Variants in UVRAG observed in about 807,000 individuals in gnomAD.
UVRAG encodes the protein UV radiation resistance-associated gene protein.
In UVRAG, 19 loss-of-function variants were observed where a neutral mutation model predicts 78.0. The observed-to-expected ratio is 0.24, with a 90% confidence interval of 0.17 to 0.36. The LOEUF (loss-of-function observed/expected upper bound fraction) is 0.36, where lower values mean the gene tolerates loss of function less well. Ranked by LOEUF, UVRAG falls within the 10% of genes least tolerant of loss-of-function variation. The probability of loss-of-function intolerance (pLI) is 1.00; values close to 1 mark genes in which losing one functional copy is unlikely to be tolerated. For missense variants in UVRAG, 740 were observed against 853.8 expected, an observed-to-expected ratio of 0.87 and a Z score of 1.66; for synonymous variants, 323 against 324.6, an observed-to-expected ratio of 1.00 and a Z score of 0.05.
intron 14 of UVRAG, among the ~76,000 whole-genome samples, chr11:76,138,307 C>T (rs1271430140): frequency 6.6e-6 from 1 of 152,200 alleles, no homozygotes; most frequent in African/African-American, 2.4e-5. Context: ...GAACAAACCA[C>T]ATGACCCACC....
intron 12 of UVRAG, among the ~76,000 whole-genome samples, chr11:76,026,708 G>A (rs1950332670): frequency 6.6e-6 from 1 of 152,056 alleles, no homozygotes; most frequent in African/African-American, 2.4e-5. Flanking sequence ...ATTGACTTGA[G>A]GCAGTGGAAA....
intron 14 of UVRAG, among the ~76,000 whole-genome samples, chr11:76,130,948 A>G (rs1376349937): frequency 2.2e-5 from 3 of 139,496 alleles, no homozygotes; most frequent in African/African-American, 8.2e-5. Context: ...TTTTTTTTTC[A>G]TTTTTTCCCT....
intron 11 of UVRAG, among the ~76,000 whole-genome samples, chr11:76,011,554 G>A (rs1192950381): frequency 6.6e-6 from 1 of 152,232 alleles, no homozygotes; most frequent in African/African-American, 2.4e-5. Flanking sequence ...GAACCCAGAG[G>A]CAAAGGTTGC....
At position 75,851,995 on chromosome 11, in the gene UVRAG, A is replaced by G. The variant is rs775984764; in HGVS notation, c.230A>G (p.Tyr77Cys). Residue 77 changes from tyrosine (Y) to cysteine (C), a missense_variant, in exon 2 of 15, where the codon TAT becomes TGT. Tyr to Cys is a radical substitution (Grantham distance 194). Coordinates refer to ENST00000356136, the MANE Select transcript of UVRAG (RefSeq NM_003369.4). Reference protein sequence around the residue: ...TLHLCSTEKIYKEFYRSEVIK... With the variant: ...TLHLCSTEKICKEFYRSEVIK... Reference sequence around the variant, plus strand: ...CACTTGTGTAGTACTGAAAAGATATATAAAGGTAAGGGGATCTGTGGCCTT... The same window carrying G: ...CACTTGTGTAGTACTGAAAAGATATGTAAAGGTAAGGGGATCTGTGGCCTT... 3 of 1,596,926 alleles carry G rather than the reference A, an allele frequency of 1.9e-6. No individual in the cohort carries two copies. Among genetic ancestry groups the G allele is most frequent in the South Asian group, 1.1e-5 (1 of 88,128 alleles).
intron 1 of UVRAG, among the ~76,000 whole-genome samples, chr11:75,830,602 G>T (rs1383754731): frequency 6.6e-6 from 1 of 152,130 alleles, no homozygotes; most frequent in East Asian, 1.9e-4. Context: ...GTCATAAGAA[G>T]ACTTGTTATA....
At chr11:75,996,667 G>T (rs1949713343) in intron 8 of UVRAG, among the ~76,000 whole-genome samples, 1 of 152,132 alleles carries the variant, frequency 6.6e-6, no homozygotes, top group Non-Finnish European at 1.5e-5. Context: ...CTTACTGGGG[G>T]CAGGCACAAT....
chr11:75,825,828 T>A (rs993031619), intron 1 of UVRAG, among the ~76,000 whole-genome samples: 1 of 152,050 alleles, frequency 6.6e-6, no homozygotes, highest in Non-Finnish European at 1.5e-5. Flanking sequence ...CTGGGTGTGT[T>A]GAGAAGTTGT....
At chr11:76,137,358 G>T (rs1163682614) in intron 14 of UVRAG, 1 of 456,078 alleles carries the variant, frequency 2.2e-6, no homozygotes, top group African/African-American at 2.0e-5. Flanking sequence ...TGAACATCCT[G>T]TAGTCCCCTT....
chr11:76,112,232 G>A (rs1170317111), intron 13 of UVRAG, among the ~76,000 whole-genome samples: 1 of 152,176 alleles, frequency 6.6e-6, no homozygotes, highest in East Asian at 1.9e-4. Context: ...TCAGGAACCA[G>A]CATGTTAACG....
intron 13 of UVRAG, among the ~76,000 whole-genome samples, chr11:76,095,506 A>G (rs1951772032): frequency 6.6e-6 from 1 of 150,894 alleles, no homozygotes; most frequent in Admixed American, 6.6e-5. Context: ...TATATGTCTC[A>G]TATATCATAT....
chr11:75,880,613 CG>C (rs1200693533), intron 4 of UVRAG, among the ~76,000 whole-genome samples: 5 of 151,984 alleles, frequency 3.3e-5, no homozygotes, highest in Admixed American at 3.3e-4. Context: ...AGTGCAATGG[CG>C]CGCAATCTCG....
At chr11:76,126,363 A>G (rs936866507) in intron 14 of UVRAG, among the ~76,000 whole-genome samples, 8 of 152,334 alleles carry the variant, frequency 5.3e-5, no homozygotes, top group East Asian at 3.9e-4. Flanking sequence ...TGTAATAAAC[A>G]TTTTAAAGAT....
chr11:75,900,512 G>T (rs1947469662), intron 5 of UVRAG, among the ~76,000 whole-genome samples: 1 of 152,164 alleles, frequency 6.6e-6, no homozygotes, highest in African/African-American at 2.4e-5. Flanking sequence ...CTCCTTTAGG[G>T]CTGAGGTTAT....
At chr11:76,000,912 A>C (rs1185571580) in intron 8 of UVRAG, among the ~76,000 whole-genome samples, 1 of 152,216 alleles carries the variant, frequency 6.6e-6, no homozygotes, top group Non-Finnish European at 1.5e-5. Context: ...GCAAATGCAC[A>C]ATTATAGTTA....
intron 13 of UVRAG, among the ~76,000 whole-genome samples, chr11:76,085,025 T>C (rs1292214987): frequency 1.4e-5 from 2 of 141,848 alleles, no homozygotes; most frequent in African/African-American, 5.4e-5. Flanking sequence ...GATTGCACCA[T>C]TGCACTCCAG....
At chr11:76,079,475 CCT>C (rs1267829061) in intron 13 of UVRAG, among the ~76,000 whole-genome samples, 1 of 150,692 alleles carries the variant, frequency 6.6e-6, no homozygotes, top group Non-Finnish European at 1.5e-5. Flanking sequence ...ACAGTGAAAC[CCT>C]GTCTCAAAAA....
In UVRAG at chr11:75,879,952, T is replaced by C. The variant is rs139736230; in HGVS notation, c.344T>C (p.Val115Ala). The part of the protein sequence containing the change: ...RLDTSVSCFV[V>A]KIWGGKENIY... Reference sequence around the variant, plus strand: ...GATACATCTGTGTCTTGTTTCGTGGTGAAGATATGGGGTGGAAAGGAGAAC... The same window carrying C: ...GATACATCTGTGTCTTGTTTCGTGGCGAAGATATGGGGTGGAAAGGAGAAC... The change falls in exon 4 of 15, where the codon GTG (valine) becomes GCG (alanine). Residue 115 changes from valine (V) to alanine (A), a missense_variant. Transcript: ENST00000356136. The C allele has an allele frequency of 1.4e-5, 22 of 1,614,208 alleles. No individual in the cohort carries two copies. The highest frequency in any genetic ancestry group is 1.9e-5 in the Non-Finnish European group (22 of 1,180,034).
chr11:76,125,950 C>CT (rs71036075), intron 14 of UVRAG, among the ~76,000 whole-genome samples: 3,921 of 137,650 alleles, frequency 0.028, 70 homozygotes, highest in Non-Finnish European at 0.044. Flanking sequence ...CTGGCAGTCA[C>CT]TTTTTTTTTT....
At chr11:75,856,709 T>C (rs1946301855) in intron 2 of UVRAG, among the ~76,000 whole-genome samples, 1 of 152,186 alleles carries the variant, frequency 6.6e-6, no homozygotes, top group South Asian at 2.1e-4. Context: ...GTTCCCAAAG[T>C]GCTGGGATTA....
Sources: gnomAD v4.1 joint callset for allele counts (sites outside exome capture counted in the v4.1 genomes callset) on GRCh38, gnomAD v4.1.1 for gene constraint, MANE v1.5 for transcripts, NCBI Gene and HGNC (gene_info 2026-07-23, HGNC 2026-07-21) for gene names.